PRELID2: variants seen among roughly 807,000 people sequenced by gnomAD.
PRELID2 encodes the protein PRELI domain-containing protein 2.
A neutral mutation model predicts 28.4 loss-of-function variants in PRELID2; 25 were observed. The ratio of observed to expected loss-of-function variants is 0.88; its 90% CI spans 0.64 to 1.23. PRELID2 has a LOEUF of 1.23. Ranked by LOEUF, PRELID2 falls within the 50% of genes most tolerant of loss-of-function variation. PRELID2 has a pLI of 0.00. For synonymous variants in PRELID2, 76 were observed against 71.6 expected, an observed-to-expected ratio of 1.06 and a Z score of -0.31; for missense variants, 201 against 214.4, an observed-to-expected ratio of 0.94 and a Z score of 0.39.
intron 1 of PRELID2, among the ~76,000 whole-genome samples, chr5:145,684,071 T>C (rs911458927): frequency 6.6e-6 from 1 of 152,102 alleles, no homozygotes; most frequent in Non-Finnish European, 1.5e-5. Context: ...AATACAGAGA[T>C]GCTTTAGAGC....
chr5:145,513,609 G>T (rs1015339085), intron 1 of PRELID2, among the ~76,000 whole-genome samples: 1 of 152,130 alleles, frequency 6.6e-6, no homozygotes, highest in Non-Finnish European at 1.5e-5. Context: ...AACCTAGCAA[G>T]ACAGGCCAAC....
chr5:145,573,411 A>G (rs577150072), intron 1 of PRELID2, among the ~76,000 whole-genome samples: 15 of 151,700 alleles, frequency 9.9e-5, no homozygotes, highest in African/African-American at 3.6e-4. Flanking sequence ...TACATGTGCT[A>G]TGGTGGTTTG....
the PRELID2 span, among the ~76,000 whole-genome samples, chr5:145,422,181 G>A: frequency 6.8e-6 from 1 of 148,016 alleles, no homozygotes; most frequent in African/African-American, 2.5e-5. Flanking sequence ...AATAGGTGTG[G>A]TGTGGTGCTG....
chr5:145,348,140 G>A, the PRELID2 span, among the ~76,000 whole-genome samples: 2 of 152,084 alleles, frequency 1.3e-5, no homozygotes, highest in African/African-American at 2.4e-5. Flanking sequence ...GAAAAGTTAC[G>A]TGGCAACAAA....
chr5:145,820,608 T>C lies in PRELID2; in HGVS notation c.134-590A>G, dbSNP rs151192955. Among the ~76,000 whole-genome samples, 446 of 152,168 alleles carry C rather than the reference T, an allele frequency of 2.9e-3. 2 individuals carry two copies. Among genetic ancestry groups the C allele is most frequent in the Non-Finnish European group, 4.7e-3 (320 of 68,000 alleles). On this transcript the variant is annotated intron_variant, in intron 2 of 6. Coordinates refer to ENST00000683046, the MANE Select transcript of PRELID2 (RefSeq NM_205846.3). ...CATAATTAATTATATTAGCCACATTTCTCTCTCATAAGGGAGTAGACTTCC... is the reference window on the plus strand; with the variant it reads ...CATAATTAATTATATTAGCCACATTCCTCTCTCATAAGGGAGTAGACTTCC...
intron 1 of PRELID2, among the ~76,000 whole-genome samples, chr5:145,619,575 C>A (rs1205074206): frequency 6.6e-6 from 1 of 152,192 alleles, no homozygotes; most frequent in African/African-American, 2.4e-5. Flanking sequence ...CCTGTAGGAG[C>A]AGTCTGCTTC....
chr5:145,532,992 C>T (rs1225331147), intron 1 of PRELID2, among the ~76,000 whole-genome samples: 4 of 152,078 alleles, frequency 2.6e-5, no homozygotes, highest in Non-Finnish European at 5.9e-5. Context: ...AATGGGATTT[C>T]TAGGTCATAT....
chr5:145,247,229 T>C, the PRELID2 span, among the ~76,000 whole-genome samples: 2 of 152,196 alleles, frequency 1.3e-5, no homozygotes, highest in South Asian at 2.1e-4. Flanking sequence ...TGACCAATCA[T>C]CACTCCTCAA....
At chr5:145,239,407 CA>C in the PRELID2 span, among the ~76,000 whole-genome samples, 13 of 152,080 alleles carry the variant, frequency 8.5e-5, no homozygotes, top group African/African-American at 3.1e-4. Flanking sequence ...GATAAACAGA[CA>C]ATTACAGCAC....
chr5:145,672,916 T>C (rs1754737452), intron 1 of PRELID2, among the ~76,000 whole-genome samples: 1 of 152,282 alleles, frequency 6.6e-6, no homozygotes, highest in East Asian at 1.9e-4. Flanking sequence ...TTAGAATATA[T>C]ACCTCACACA....
the PRELID2 span, among the ~76,000 whole-genome samples, chr5:145,280,433 T>C: frequency 6.6e-6 from 1 of 152,118 alleles, no homozygotes; most frequent in African/African-American, 2.4e-5. Flanking sequence ...ATGGCGTGCA[T>C]TAACTGAAAA....
At chr5:145,481,679 G>GA (rs1752163661) in intron 1 of PRELID2, among the ~76,000 whole-genome samples, 1 of 124,006 alleles carries the variant, frequency 8.1e-6, no homozygotes, top group East Asian at 2.5e-4. Context: ...AGAAAGAAAG[G>GA]AAATCATAGG....
intron 1 of PRELID2, among the ~76,000 whole-genome samples, chr5:145,620,594 T>C (rs771753977): frequency 5.3e-5 from 8 of 152,146 alleles, no homozygotes; most frequent in Non-Finnish European, 8.8e-5. Context: ...AGTCCAGGTG[T>C]AGTGAGTGGC....
intron 4 of PRELID2, among the ~76,000 whole-genome samples, chr5:145,811,140 T>A (rs901878265): frequency 1.5e-5 from 2 of 135,720 alleles, no homozygotes; most frequent in Non-Finnish European, 3.1e-5. Context: ...GAACCCCCCT[T>A]TATAAAACCA....
chr5:145,503,830 T>C (rs940853802), intron 1 of PRELID2, among the ~76,000 whole-genome samples: 6 of 152,208 alleles, frequency 3.9e-5, no homozygotes, highest in Non-Finnish European at 5.9e-5. Context: ...TTGTGTTACT[T>C]TGGGAAATAT....
At chr5:145,542,645 A>G (rs1294997518) in intron 1 of PRELID2, among the ~76,000 whole-genome samples, 1 of 152,166 alleles carries the variant, frequency 6.6e-6, no homozygotes, top group Non-Finnish European at 1.5e-5. Context: ...AGTATGCTAG[A>G]CAATTTTGAT....
At chr5:145,643,301 G>A (rs1366185573) in intron 1 of PRELID2, among the ~76,000 whole-genome samples, 2 of 152,146 alleles carry the variant, frequency 1.3e-5, no homozygotes, top group Non-Finnish European at 2.9e-5. Context: ...GTTCACTCAT[G>A]ATTTGGCTCT....
the PRELID2 span, among the ~76,000 whole-genome samples, chr5:145,367,192 C>T: frequency 6.6e-6 from 1 of 151,860 alleles, no homozygotes; most frequent in Admixed American, 6.6e-5. Flanking sequence ...CTCAGAAAAG[C>T]CTTCTTTGAC....
chr5:145,255,193 G>A, the PRELID2 span, among the ~76,000 whole-genome samples: 1 of 151,988 alleles, frequency 6.6e-6, no homozygotes, highest in East Asian at 1.9e-4. Flanking sequence ...AGATGCAAGA[G>A]AATATGGCCT....
Sources: allele counts gnomAD v4.1 joint callset (sites outside exome capture counted in the v4.1 genomes callset), GRCh38; gene constraint gnomAD v4.1.1; transcripts MANE v1.5; gene names NCBI Gene and HGNC (gene_info 2026-07-23, HGNC 2026-07-21).